Variants in KCNJ4 observed in about 807,000 individuals in gnomAD.
KCNJ4 encodes potassium inwardly rectifying channel subfamily J member 4, also known as inward rectifier potassium channel 4.
A neutral mutation model predicts 25.6 loss-of-function variants in KCNJ4; 3 were observed. The observed-to-expected ratio is 0.12, with a 90% CI of 0.05 to 0.30. The LOEUF is 0.30. Ranked by LOEUF, KCNJ4 falls within the 10% of genes least tolerant of loss-of-function variation. KCNJ4 has a pLI of 1.00. For missense variants in KCNJ4, 286 were observed against 666.8 expected, an observed-to-expected ratio of 0.43 and a Z score of 6.29; for synonymous variants, 257 against 283.9, an observed-to-expected ratio of 0.91 and a Z score of 0.95.
intron 1 of KCNJ4, among the ~76,000 whole-genome samples, chr22:38,444,539 C>T (rs1297140075): frequency 6.6e-6 from 1 of 152,182 alleles, no homozygotes; most frequent in African/African-American, 2.4e-5. Context: ...CAGGTGTCCC[C>T]CAGGTGTCAG....
In KCNJ4 at chr22:38,426,875, C is replaced by T. The variant is rs1177521446; in HGVS notation, c.1258G>A (p.Gly420Ser). ...EAGIIRMLEF[G>S]SHLDLERMQA... Reference sequence around the variant, plus strand: ...ATGCGCTCCAGGTCCAGGTGGCTGCCGAACTCCAGCATCCGGATGATGCCC... The same window carrying T: ...ATGCGCTCCAGGTCCAGGTGGCTGCTGAACTCCAGCATCCGGATGATGCCC... The change falls in exon 2 of 2, where the codon GGC becomes AGC. Residue 420 changes from glycine (G) to serine (S), a missense_variant. Physicochemically the swap from Gly to Ser is moderately conservative, Grantham distance 56. Coordinates refer to ENST00000303592, the MANE Select transcript of KCNJ4 (RefSeq NM_152868.3). The T allele has an allele frequency of 8.1e-6, 13 of 1,613,216 alleles. No homozygotes were observed. Among genetic ancestry groups the T allele is most frequent in the East Asian group, 2.2e-5 (1 of 44,866 alleles).
intron 1 of KCNJ4, among the ~76,000 whole-genome samples, chr22:38,438,873 C>T (rs1053425313): frequency 2.0e-5 from 3 of 152,122 alleles, no homozygotes; most frequent in East Asian, 1.9e-4. Context: ...TCAGGGCTGG[C>T]GGGCTGTCAG....
chr22:38,445,789 C>T (rs542826697), intron 1 of KCNJ4, among the ~76,000 whole-genome samples: 15 of 152,316 alleles, frequency 9.8e-5, no homozygotes, highest in Non-Finnish European at 2.1e-4. Context: ...ACTAACGGGG[C>T]AGGACCTGTG....
At chr22:38,433,602 C>T (rs1448015552) in intron 1 of KCNJ4, among the ~76,000 whole-genome samples, 2 of 152,208 alleles carry the variant, frequency 1.3e-5, no homozygotes, top group Admixed American at 1.3e-4. Flanking sequence ...CAGGCACGAG[C>T]CACTGCATCC....
chr22:38,438,703 AAAAG>A (rs35066342), intron 1 of KCNJ4, among the ~76,000 whole-genome samples: 67,393 of 148,580 alleles, frequency 0.45, 16,210 homozygotes, highest in East Asian at 0.75. Context: ...AAAAAAGAAA[AAAAG>A]AAAGAAAGAA....
Position 38,443,897 on chromosome 22 carries a change from C to T in KCNJ4, c.-40+11083G>A, listed in dbSNP as rs561962845. On this transcript the variant is annotated intron_variant, in intron 1 of 1. Coordinates refer to ENST00000303592, the MANE Select transcript of KCNJ4 (RefSeq NM_152868.3). The surrounding 1 kb of genome is among the most constrained non-coding windows in gnomAD (Gnocchi z 4.1). ...ATGAACGCCCCGCCTCAGAGAGGTC[C>T]TGCCCTCTCTGACTGCACCCCCTCC... Among the ~76,000 whole-genome samples, 3 of 152,138 alleles carry T rather than the reference C, an allele frequency of 2.0e-5. No homozygotes were observed. The highest frequency in any genetic ancestry group is 4.4e-5 in the Non-Finnish European group (3 of 68,016).
chr22:38,452,908 T>C (rs2089418562), intron 1 of KCNJ4, among the ~76,000 whole-genome samples: 1 of 144,966 alleles, frequency 6.9e-6, no homozygotes, highest in African/African-American at 2.5e-5. Flanking sequence ...TCCAGCTCTG[T>C]TTCCCACCGC....
At chr22:38,433,146 A>C (rs1246926753) in intron 1 of KCNJ4, among the ~76,000 whole-genome samples, 1 of 151,816 alleles carries the variant, frequency 6.6e-6, no homozygotes, top group Non-Finnish European at 1.5e-5. Context: ...TTTTCTTTTA[A>C]TTTTTAAAAA....
chr22:38,430,574 CGGCCTCTAACGTAATGCT>C, intron 1 of KCNJ4, among the ~76,000 whole-genome samples: 1 of 152,318 alleles, frequency 6.6e-6, no homozygotes, highest in South Asian at 2.1e-4. Flanking sequence ...CATGCAGGCA[CGGCCTCTAACGTAATGCT>C]GGCCCTTCAG....
In KCNJ4 at chr22:38,428,081, G is replaced by A. The variant is rs1162873249; in HGVS notation, c.52C>T (p.Arg18Cys). ...GQAHVPRRKR[R>C]NRFVKKNGQC... ...CCGTTCTTCTTGACGAAGCGGTTGC[G>A]GCGCTTCCGCCGGGGCACGTGGGCC... is the stretch of plus-strand genomic sequence containing the variant. Residue 18 changes from arginine to cysteine, a missense_variant, in exon 2 of 2, where the codon CGC (arginine) becomes TGC (cysteine). Arg to Cys is a radical substitution (Grantham distance 180, BLOSUM62 -3). Coordinates refer to ENST00000303592, the MANE Select transcript of KCNJ4 (RefSeq NM_152868.3). 1 of 1,613,850 alleles carries A rather than the reference G, an allele frequency of 6.2e-7. No homozygotes were observed. Among genetic ancestry groups the A allele is most frequent in the South Asian group, 1.1e-5 (1 of 91,078 alleles).
intron 1 of KCNJ4, among the ~76,000 whole-genome samples, chr22:38,451,062 C>T (rs1026654551): frequency 6.6e-6 from 1 of 152,208 alleles, no homozygotes; most frequent in African/African-American, 2.4e-5. Flanking sequence ...ATCAAATCAA[C>T]ATTGCCATGG....
rs779001054 is a variant in KCNJ4, at chr22:38,426,909, C to T, written c.1224G>A (p.Lys408=). Residue 408 remains lysine, a synonymous_variant, in exon 2 of 2, where the codon AAG becomes AAA. Coordinates refer to ENST00000303592, the MANE Select transcript of KCNJ4 (RefSeq NM_152868.3). ...AAGLGLEAGS[K]EEAGIIRMLE... ...GCATCCGGATGATGCCCGCCTCCTC[C>T]TTGGAACCCGCCTCCAGGCCCAGGC... The T allele has an allele frequency of 2.5e-6, 4 of 1,612,960 alleles. No individual in the cohort carries two copies. The South Asian group carries it at 4.4e-5, about 18-fold the overall frequency.
chr22:38,434,016 TCTC>T (rs1483857049), intron 1 of KCNJ4, among the ~76,000 whole-genome samples: 2 of 151,736 alleles, frequency 1.3e-5, no homozygotes, highest in Non-Finnish European at 2.9e-5. Context: ...CGAGGGCAAA[TCTC>T]CTCCCCGAGA....
intron 1 of KCNJ4, among the ~76,000 whole-genome samples, chr22:38,446,672 G>A (rs976895029): frequency 6.6e-6 from 1 of 152,092 alleles, no homozygotes; most frequent in African/African-American, 2.4e-5. Context: ...CAGATGCAAA[G>A]GGCCAGGCAC....
At chr22:38,450,313 C>T (rs1189763590) in intron 1 of KCNJ4, among the ~76,000 whole-genome samples, 1 of 152,080 alleles carries the variant, frequency 6.6e-6, no homozygotes, top group African/African-American at 2.4e-5. Flanking sequence ...GCAGCCCAAC[C>T]ACAGCTACTC....
At chr22:38,430,827 CG>C (rs1426147334) in intron 1 of KCNJ4, among the ~76,000 whole-genome samples, 3 of 152,188 alleles carry the variant, frequency 2.0e-5, no homozygotes, top group Non-Finnish European at 4.4e-5. Flanking sequence ...ATAGGGTCAC[CG>C]AGTTCAGGAC....
At chr22:38,441,540 G>T (rs1196702613) in intron 1 of KCNJ4, among the ~76,000 whole-genome samples, 1 of 151,754 alleles carries the variant, frequency 6.6e-6, no homozygotes, top group Non-Finnish European at 1.5e-5. Flanking sequence ...GCCGGCTGGT[G>T]GGGGGTGTCT....
At chr22:38,441,058 G>T (rs1158897285) in intron 1 of KCNJ4, among the ~76,000 whole-genome samples, 1 of 152,162 alleles carries the variant, frequency 6.6e-6, no homozygotes, top group Non-Finnish European at 1.5e-5. Context: ...CTTAGACCCG[G>T]CCCCAGCAGC....
chr22:38,428,365 G>A (rs1236562122), intron 1 of KCNJ4, among the ~76,000 whole-genome samples, 194 bp from the exon 2 acceptor site: 1 of 152,226 alleles, frequency 6.6e-6, no homozygotes, highest in Non-Finnish European at 1.5e-5. Flanking sequence ...CACCCAGTCC[G>A]GCCCAGCTTA....
Sources: allele counts gnomAD v4.1 joint callset (sites outside exome capture counted in the v4.1 genomes callset), GRCh38; gene constraint gnomAD v4.1.1; non-coding constraint Gnocchi (gnomAD v3.1); transcripts MANE v1.5; gene names NCBI Gene and HGNC (gene_info 2026-07-23, HGNC 2026-07-21).